TEP1: variants seen among roughly 807,000 people sequenced by gnomAD.
TEP1 encodes telomerase protein component 1.
TEP1 carries 241 observed loss-of-function variants against 306.3 expected under a neutral mutation model. That is an observed-to-expected ratio of 0.79 (90% CI 0.71 to 0.88). TEP1 has a LOEUF of 0.88. TEP1 is among the 40% of genes least tolerant of loss of function. TEP1 has a pLI of 0.00. For synonymous variants in TEP1, 1,289 were observed against 1,305.5 expected (o/e 0.99, Z 0.27); for missense variants, 3,051 against 3,276.1 (o/e 0.93, Z 1.68).
In TEP1 at chr14:20,366,304, G is replaced by A. The variant is rs1448641527; in HGVS notation, c.*2133C>T. 2 of 152,200 alleles carry A rather than the reference G, an allele frequency of 1.3e-5. No individual in the cohort carries two copies. The highest frequency in any genetic ancestry group is 2.9e-5 in the Non-Finnish European group (2 of 68,034). 9.4% of individuals were successfully genotyped at this position (152,200 alleles called of 1,614,324 possible). A position where few individuals can be genotyped will look rare whatever the true frequency, so the allele number is the denominator to read the frequency against. ...TCAGAGCATGGAAGAGAGACAAATA[G>A]AGCTTCCTCCTGCAATTGGCCCAAG... is the stretch of plus-strand genomic sequence containing the variant. On this transcript the variant is annotated 3_prime_UTR_variant, in exon 55 of 55. Coordinates refer to ENST00000262715, the MANE Select transcript of TEP1 (RefSeq NM_007110.5).
chr14:20,408,352 G>T lies in TEP1; in HGVS notation c.88C>A (p.Pro30Thr). ...ACATGCTGATGTAGTTTCTCCAAGGGCTGTAAGTCAGGGAGCATAGCCAGG... is the reference window on the plus strand; with the variant it reads ...ACATGCTGATGTAGTTTCTCCAAGGTCTGTAAGTCAGGGAGCATAGCCAGG... ...RCLAMLPDLQ[P>T]LEKLHQHVST... Residue 30 changes from proline to threonine, a missense_variant, in exon 2 of 55, where the codon CCC becomes ACC. Physicochemically the swap from Pro to Thr is conservative, Grantham distance 38. Coordinates refer to ENST00000262715, the MANE Select transcript of TEP1 (RefSeq NM_007110.5). The T allele has an allele frequency of 1.2e-6, 2 of 1,609,548 alleles. No homozygotes were observed. Among genetic ancestry groups the T allele is most frequent in the South Asian group, 1.1e-5 (1 of 90,790 alleles).
chr14:20,396,730 T>C lies in TEP1; in HGVS notation c.1550A>G (p.Glu517Gly). ...GGCCATGAAGGGAAGCTTCCCATTT[T>C]CTGTGGAATGTGGGGCATAGAGTGA... ...NKASVWEELI[E>G]NGKLPFMAML... Residue 517 changes from glutamate to glycine, a missense_variant and splice_region_variant, in exon 10 of 55, where the codon GAA becomes GGA. Physicochemically the swap from Glu to Gly is moderately conservative, Grantham distance 98. Coordinates refer to ENST00000262715, the MANE Select transcript of TEP1 (RefSeq NM_007110.5). The C allele has an allele frequency of 6.2e-7, 1 of 1,602,572 alleles. No homozygotes were observed. The highest frequency in any genetic ancestry group is 8.5e-7 in the Non-Finnish European group (1 of 1,172,264).
At chr14:20,380,544 C>A (rs1431779466) in intron 33 of TEP1, 69 bp from the exon 34 acceptor site, 3 of 1,535,864 alleles carry the variant, frequency 2.0e-6, no homozygotes, top group Admixed American at 4.0e-5. Context: ...CCAAATAAAA[C>A]CATATGGTGT....
At chr14:20,384,575 G>A in intron 22 of TEP1, 25 bp downstream of exon 22, 1 of 1,613,618 alleles carries the variant, frequency 6.2e-7, no homozygotes, top group Non-Finnish European at 8.5e-7. Flanking sequence ...CTCTGTACAG[G>A]TGCTCCCTAC....
Position 20,389,259 on chromosome 14 carries a change from C to G in TEP1, c.2504G>C (p.Gly835Ala). Residue 835 changes from glycine to alanine, a missense_variant, in exon 17 of 55, where the codon GGC becomes GCC. Coordinates refer to ENST00000262715, the MANE Select transcript of TEP1 (RefSeq NM_007110.5). ...TCACTTCAGTATCGCATCAGTACAG[C>G]CTGAGAGTGTCACATCATTGGGATT... Reference protein sequence around the residue: ...DLNPNDVTLSGCTDAILKFIA... With the variant: ...DLNPNDVTLSACTDAILKFIA... The G allele has an allele frequency of 6.2e-7, 1 of 1,614,190 alleles. No homozygotes were observed. Among genetic ancestry groups the G allele is most frequent in the Admixed American group, 1.7e-5 (1 of 60,016 alleles).
intron 2 of TEP1, among the ~76,000 whole-genome samples, chr14:20,407,569 G>A (rs1879276004): frequency 6.6e-6 from 1 of 152,194 alleles, no homozygotes; most frequent in Non-Finnish European, 1.5e-5. Flanking sequence ...TCGAACTCCT[G>A]GACTCAAGTG....
At chr14:20,388,142 A>G (rs1489288724) in intron 17 of TEP1, 79 bp from the exon 18 acceptor site, 28 of 1,508,222 alleles carry the variant, frequency 1.9e-5, no homozygotes, top group Non-Finnish European at 2.5e-5. Context: ...GGGCAGGGGG[A>G]AAAAGATATG....
Position 20,389,307 on chromosome 14 carries a change from G to C in TEP1, c.2466-10C>G. 1 of 1,614,156 alleles carries C rather than the reference G, an allele frequency of 6.2e-7. No homozygotes were observed. Among genetic ancestry groups the C allele is most frequent in the Non-Finnish European group, 8.5e-7 (1 of 1,179,996 alleles). Reference sequence around the variant, plus strand: ...ATTCAAATCTGTTGACCTGGCAAAGGAAGAAGCAGTCATTAACCATCACAA... The same window carrying C: ...ATTCAAATCTGTTGACCTGGCAAAGCAAGAAGCAGTCATTAACCATCACAA... On this transcript the variant is annotated splice_polypyrimidine_tract_variant and intron_variant, in intron 16 of 54. Transcript: ENST00000262715.
In TEP1 at chr14:20,395,441, C is replaced by T; in HGVS notation, c.1928+9G>A. On this transcript the variant is annotated intron_variant, in intron 12 of 54. Transcript: ENST00000262715. ...GCCCACCCTTGGCTCCCAGACAGTG[C>T]ATACATACCTGGCCTTGTGTACTCT... 1 of 1,577,222 alleles carries T rather than the reference C, an allele frequency of 6.3e-7. No homozygotes were observed. The highest frequency in any genetic ancestry group is 8.7e-7 in the Non-Finnish European group (1 of 1,152,518).
At position 20,377,725 on chromosome 14, in the gene TEP1, C is replaced by T. The variant is rs754396130; in HGVS notation, c.5750G>A (p.Arg1917Gln). 39 of 1,613,728 alleles carry T rather than the reference C, an allele frequency of 2.4e-5. No homozygotes were observed. Among genetic ancestry groups the T allele is most frequent in the Admixed American group, 1.2e-4 (7 of 59,978 alleles). Residue 1917 changes from arginine to glutamine, a missense_variant, in exon 40 of 55, where the codon CGG (arginine) becomes CAG (glutamine). Around this residue, in one of 3 missense-constraint regions of TEP1, gnomAD observed 1,540 missense variants for 1,705.9 expected, o/e 0.90. Coordinates refer to ENST00000262715, the MANE Select transcript of TEP1 (RefSeq NM_007110.5). ...KVQVWSGSLG[R>Q]PRGHLGSLSL... The stretch of plus-strand genomic sequence containing the variant: ...AAGGGAACCCAGGTGCCCACGGGGC[C>T]GACCCAGAGACCCTGACCACACCTG...
At chr14:20,391,481 T>G in intron 13 of TEP1, 118 bp downstream of exon 13, 1 of 1,196,468 alleles carries the variant, frequency 8.4e-7, no homozygotes, top group African/African-American at 1.5e-5. Context: ...CAAATTCATA[T>G]CATTTATTTC....
At chr14:20,386,225 A>C in intron 19 of TEP1, 30 bp from the exon 20 acceptor site, 1 of 1,613,388 alleles carries the variant, frequency 6.2e-7, no homozygotes, top group Non-Finnish European at 8.5e-7. Context: ...GACGTGTGGG[A>C]GTCACTGGGG....
Position 20,382,281 on chromosome 14 carries a change from C to T in TEP1, c.4216G>A (p.Glu1406Lys). ...TGGGGAAGGACATCAGGCCCGTGCT[C>T]CTTCTCCAGTGTGCTCAGGATGTGC... is the stretch of plus-strand genomic sequence containing the variant. ...LQHILSTLEK[E>K]HGPDVLPQAL... Residue 1406 changes from glutamate (E) to lysine (K), a missense_variant, in exon 29 of 55, where the codon GAG becomes AAG. By Grantham distance (56) the Glu-to-Lys change is moderately conservative. Coordinates refer to ENST00000262715, the MANE Select transcript of TEP1 (RefSeq NM_007110.5). The T allele has an allele frequency of 6.2e-7, 1 of 1,614,146 alleles. No homozygotes were observed. The highest frequency in any genetic ancestry group is 1.3e-5 in the African/African-American group (1 of 75,036).
intron 43 of TEP1, 29 bp from the exon 44 acceptor site, chr14:20,374,565 A>G: frequency 6.5e-7 from 1 of 1,530,044 alleles, no homozygotes; most frequent in Non-Finnish European, 9.0e-7. Flanking sequence ...GAGGAGTGGG[A>G]TTATCAGCAT....
chr14:20,390,720 A>C lies in TEP1; in HGVS notation c.2295T>G (p.Phe765Leu). Residue 765 changes from phenylalanine (F) to leucine (L), a missense_variant, in exon 15 of 55, where the codon TTT becomes TTG. Phe to Leu is a conservative substitution (Grantham distance 22). Coordinates refer to ENST00000262715, the MANE Select transcript of TEP1 (RefSeq NM_007110.5). The stretch of plus-strand genomic sequence containing the variant: ...CAGCCAGAGACAGCAGGTATTTCCC[A>C]AAAGTATTCAGGGACCATCCATCAT... ...DENDGWSLNT[F>L]GKYLLSLAGQ... The C allele has an allele frequency of 1.2e-6, 2 of 1,614,218 alleles. No homozygotes were observed. Among genetic ancestry groups the C allele is most frequent in the Non-Finnish European group, 1.7e-6 (2 of 1,180,024 alleles).
At chr14:20,380,566 T>C in intron 33 of TEP1, 91 bp from the exon 34 acceptor site, 1 of 1,319,458 alleles carries the variant, frequency 7.6e-7, no homozygotes, top group Non-Finnish European at 1.0e-6. Flanking sequence ...TCTACAATAG[T>C]AAGTCTCAAA....
Position 20,378,786 on chromosome 14 carries a change from GC to G in TEP1, c.5319del (p.Leu1774Ter). On this transcript the variant is annotated frameshift_variant, in exon 37 of 55. Coordinates refer to ENST00000262715, the MANE Select transcript of TEP1 (RefSeq NM_007110.5). LOFTEE classifies it high-confidence loss of function. ...CATCCTCCCAAGCACACGGTGGCTA[GC>G]AGCCGGCAGTCTGGGCTCAGGCAGC... ...TGCCLSPDCRLLATVCLGGCL... is the reference protein window; with the variant it reads ...TGCCLSPDCRXLATVCLGGCL... The G allele has an allele frequency of 6.2e-7, 1 of 1,614,212 alleles. No homozygotes were observed. The highest frequency in any genetic ancestry group is 8.5e-7 in the Non-Finnish European group (1 of 1,180,038).
At chr14:20,399,771 A>T (rs965564482) in intron 9 of TEP1, among the ~76,000 whole-genome samples, 27 of 152,128 alleles carry the variant, frequency 1.8e-4, no homozygotes, top group Non-Finnish European at 3.5e-4. Context: ...CTCAACCAGG[A>T]TAAATGACAT....
rs1473371419 is a variant in TEP1, at chr14:20,408,466, A to G, written c.-24-3T>C. The G allele has an allele frequency of 1.9e-6, 3 of 1,594,386 alleles. No individual in the cohort carries two copies. The South Asian group carries it at 3.4e-5, about 18-fold the overall frequency. ...GCTGAAACTCAGCTTGTATATGCCT[A>G]GAAGGAGAGAAAGACAGGAGATGAG... On this transcript the variant is annotated splice_region_variant and splice_polypyrimidine_tract_variant and intron_variant, in intron 1 of 54. Transcript: ENST00000262715.
Sources: gnomAD v4.1 joint callset for allele counts (sites outside exome capture counted in the v4.1 genomes callset) on GRCh38, gnomAD v4.1.1 for gene constraint, gnomAD v4.1.1 regional missense constraint, MANE v1.5 for transcripts, NCBI Gene and HGNC (gene_info 2026-07-23, HGNC 2026-07-21) for gene names.